Variants in IDE observed in about 807,000 individuals in gnomAD.
The protein encoded by IDE is insulin degrading enzyme.
A neutral mutation model predicts 133.2 loss-of-function variants in IDE; 58 were observed. The observed-to-expected ratio is 0.44, with a 90% CI of 0.35 to 0.54. The LOEUF (loss-of-function observed/expected upper bound fraction) is 0.54. Ranked by LOEUF, IDE falls within the 20% of genes least tolerant of loss-of-function variation. The pLI is 0.00. For missense variants in IDE, 981 were observed against 1,234.0 expected, an observed-to-expected ratio of 0.79 and a Z score of 3.07; for synonymous variants, 396 against 421.3, an observed-to-expected ratio of 0.94 and a Z score of 0.73.
Position 92,459,026 on chromosome 10 carries a change from CA to C in IDE, c.2823+2164del, listed in dbSNP as rs1442250167. Among the ~76,000 whole-genome samples, 3 of 152,132 alleles carry C rather than the reference CA, an allele frequency of 2.0e-5. No individual in the cohort carries two copies. In the East Asian group the frequency reaches 5.8e-4, roughly 29 times the overall value. ...TTGTCCAGCCATCCATTTTTGTAGC[CA>C]AAATGGGTCAAATCTCATTGCTGAA... On this transcript the variant is annotated intron_variant, in intron 22 of 24. Transcript: ENST00000265986.
chr10:92,516,389 G>T (rs1848931289), intron 4 of IDE, among the ~76,000 whole-genome samples: 1 of 151,986 alleles, frequency 6.6e-6, no homozygotes, highest in Non-Finnish European at 1.5e-5. Flanking sequence ...GGCTACTCGG[G>T]AGGCTGAGGG....
intron 1 of IDE, among the ~76,000 whole-genome samples, chr10:92,538,511 G>A (rs1368138450): frequency 6.6e-6 from 1 of 152,242 alleles, no homozygotes; most frequent in Non-Finnish European, 1.5e-5. Context: ...ACCTGCTGAA[G>A]AGCTGAATGC....
chr10:92,469,715 C>T (rs1174269381), intron 18 of IDE, among the ~76,000 whole-genome samples: 2 of 152,104 alleles, frequency 1.3e-5, no homozygotes, highest in African/African-American at 2.4e-5. Context: ...TGCACCCGGC[C>T]GAGACTGAGG....
chr10:92,527,798 C>T (rs957291240), intron 4 of IDE, among the ~76,000 whole-genome samples: 6 of 152,120 alleles, frequency 3.9e-5, no homozygotes, highest in Non-Finnish European at 8.8e-5. Flanking sequence ...GGGTGGATCA[C>T]GAGGCTGGGA....
In IDE at chr10:92,475,948, T is replaced by G; in HGVS notation, c.1931A>C (p.Lys644Thr). The G allele has an allele frequency of 6.4e-7, 1 of 1,553,510 alleles. No individual in the cohort carries two copies. Among genetic ancestry groups the G allele is most frequent in the Non-Finnish European group, 8.8e-7 (1 of 1,135,198 alleles). ...AAAGGTAGCCATTTTCTCAATAATC[T>G]TCTTTAGTAAAATTGGCTGCTTGTC... ...YNDKQPILLK[K>T]IIEKMATFEI... Residue 644 changes from lysine to threonine, a missense_variant, in exon 16 of 25, where the codon AAG becomes ACG. Physicochemically the swap from Lys to Thr is moderately conservative, Grantham distance 78. Transcript: ENST00000265986.
intron 4 of IDE, among the ~76,000 whole-genome samples, chr10:92,524,941 A>G (rs1487137999): frequency 1.3e-5 from 2 of 151,020 alleles, no homozygotes; most frequent in African/African-American, 4.9e-5. Flanking sequence ...AAAAATATAT[A>G]CAAATATATA....
rs1272180325 is a variant in IDE, at chr10:92,516,831, G to A, written c.662-1789C>T. 2.6e-5 allele frequency among the ~76,000 whole-genome samples: 4 copies of A among 152,198 alleles called. No individual in the cohort carries two copies. In the East Asian group the frequency reaches 7.7e-4, roughly 29 times the overall value. ...CGATGTATGTAGTGTACCACTAACA[G>A]CTCTCATGAAATCTTAATAACTAAT... On this transcript the variant is annotated intron_variant, in intron 4 of 24. Transcript: ENST00000265986.
rs564596716 is a variant in IDE, at chr10:92,480,847, G to A, written c.1740-1426C>T. On this transcript the variant is annotated intron_variant, in intron 14 of 24. Transcript: ENST00000265986. ...AGGCTCAAGCGATCTTCCTGCCTCG[G>A]CTTCCCAAAATGTTAGGATTACAGG... The A allele has an allele frequency of 6.8e-6, 4 of 591,426 alleles. No homozygotes were observed. In the Admixed American group the frequency reaches 2.5e-4, roughly 37 times the overall value. 36.6% of individuals were successfully genotyped at this position (591,426 alleles called of 1,614,324 possible).
chr10:92,532,580 T>C (rs1452250513), intron 3 of IDE, among the ~76,000 whole-genome samples: 1 of 152,182 alleles, frequency 6.6e-6, no homozygotes, highest in East Asian at 1.9e-4. Context: ...ATTCAATAAA[T>C]AACATGGTAT....
chr10:92,457,092 G>T (rs1324921984), intron 22 of IDE, among the ~76,000 whole-genome samples: 1 of 151,834 alleles, frequency 6.6e-6, no homozygotes, highest in East Asian at 1.9e-4. Flanking sequence ...GCTAATAAGT[G>T]CCTGAGCTAG....
chr10:92,568,815 CAA>C (rs202095680), intron 1 of IDE, among the ~76,000 whole-genome samples: 2 of 144,036 alleles, frequency 1.4e-5, no homozygotes, highest in East Asian at 4.0e-4. Flanking sequence ...GACTCTTTCT[CAA>C]AAAAAAAAAT....
chr10:92,466,424 CT>C (rs1003512335), intron 19 of IDE, among the ~76,000 whole-genome samples: 65 of 151,432 alleles, frequency 4.3e-4, no homozygotes, highest in African/African-American at 1.6e-3. Flanking sequence ...TCAAGCAATT[CT>C]CTTGCCTCAG....
intron 1 of IDE, chr10:92,573,287 C>T: frequency 1.8e-6 from 1 of 552,832 alleles, no homozygotes; most frequent in Non-Finnish European, 2.3e-6. Context: ...CTCGGAGCTC[C>T]GGTTGTCTCC....
At chr10:92,468,739 C>A (rs1476134095) in intron 19 of IDE, 140 bp downstream of exon 19, 2 of 506,002 alleles carry the variant, frequency 4.0e-6, no homozygotes, top group Non-Finnish European at 7.0e-6. Context: ...AATTACCTAT[C>A]TCTAATCATA....
intron 1 of IDE, among the ~76,000 whole-genome samples, chr10:92,558,356 T>A (rs1260777025): frequency 1.3e-5 from 2 of 151,994 alleles, no homozygotes; most frequent in Non-Finnish European, 2.9e-5. Flanking sequence ...GCCTGGCCAA[T>A]AATACAAATC....
In IDE at chr10:92,506,480, G is replaced by A. The variant is rs1848298119; in HGVS notation, c.1288C>T (p.Pro430Ser). 3 of 1,596,724 alleles carry A rather than the reference G, an allele frequency of 1.9e-6. No individual in the cohort carries two copies. The highest frequency in any genetic ancestry group is 2.6e-6 in the Non-Finnish European group (3 of 1,166,242). The change falls in exon 10 of 25, where the codon CCA (proline) becomes TCA (serine). Residue 430 changes from proline (P) to serine (S), a missense_variant. By Grantham distance (74) the Pro-to-Ser change is moderately conservative (BLOSUM62 -1). Transcript: ENST00000265986. ...VAFRFKDKERPRGYTSKIAGI... is the reference protein window; with the variant it reads ...VAFRFKDKERSRGYTSKIAGI... ...GCAATCTTAGATGTATAGCCCCGTG[G>A]CCTCTCTTTGTCTTTAAACCTAAAA...
At chr10:92,559,067 T>A (rs1843151527) in intron 1 of IDE, 1 of 152,028 alleles carries the variant, frequency 6.6e-6, no homozygotes. Context: ...AAAATTCCAA[T>A]GAGACACCAC....
intron 11 of IDE, among the ~76,000 whole-genome samples, chr10:92,500,334 G>A (rs1847939054): frequency 6.6e-6 from 1 of 151,644 alleles, no homozygotes; most frequent in Admixed American, 6.6e-5. Context: ...ATAGATGAAT[G>A]CATAAAGAAA....
intron 13 of IDE, among the ~76,000 whole-genome samples, chr10:92,486,619 G>A (rs1336867655): frequency 6.6e-6 from 1 of 152,132 alleles, no homozygotes; most frequent in Non-Finnish European, 1.5e-5. Flanking sequence ...GTAATAATTT[G>A]ATACAATTTT....
Sources: gnomAD v4.1 joint callset for allele counts (sites outside exome capture counted in the v4.1 genomes callset) on GRCh38, gnomAD v4.1.1 for gene constraint, MANE v1.5 for transcripts, NCBI Gene and HGNC (gene_info 2026-07-23, HGNC 2026-07-21) for gene names.